The following XIAP variants were observed in gnomAD, a reference collection of about 807,000 sequenced individuals.
XIAP encodes the protein X-linked inhibitor of apoptosis.
XIAP carries 3 observed loss-of-function variants against 33.1 expected under a neutral mutation model. That is an observed-to-expected ratio of 0.09 (90% CI 0.04 to 0.23). The LOEUF (loss-of-function observed/expected upper bound fraction) is 0.23, where lower values mean the gene tolerates loss of function less well. Among genes scored for constraint, XIAP ranks in the 10% least tolerant of loss-of-function variants. The probability of loss-of-function intolerance (pLI) is 1.00; values close to 1 mark genes in which losing one functional copy is unlikely to be tolerated. For missense variants in XIAP, 264 were observed against 363.0 expected, an observed-to-expected ratio of 0.73 and a Z score of 2.22; for synonymous variants, 98 against 121.3, an observed-to-expected ratio of 0.81 and a Z score of 1.26.
Position 123,860,134 on chromosome X carries a change from G to A in XIAP, c.-192G>A, listed in dbSNP as rs1339979915. 1 of 329,632 alleles carries A rather than the reference G, an allele frequency of 3.0e-6. No individual in the cohort carries two copies. Among genetic ancestry groups the A allele is most frequent in the Non-Finnish European group, 5.9e-6 (1 of 169,960 alleles). The allele number at this position is 329,632 out of a possible 1,213,427, so 27.2% of individuals were successfully genotyped here. ...GGGCCGGCCGGTAGAGGCGCGTGAG[G>A]GAGACGAAGGGACTTCCGTTTCCTT... On this transcript the variant is annotated 5_prime_UTR_variant, in exon 1 of 7. Coordinates refer to ENST00000371199, the MANE Select transcript of XIAP (RefSeq NM_001167.4).
At chrX:123,898,633 C>T (rs1270350067) in intron 5 of XIAP, among the ~76,000 whole-genome samples, 3 of 109,191 alleles carry the variant, frequency 2.7e-5, no homozygotes, top group African/African-American at 1.0e-4. Context: ...GGACTACAGA[C>T]GTGGGCCACC....
rs369122016 is a variant in XIAP, at chrX:123,866,508, G to A, written c.-33+6215G>A. Among the ~76,000 whole-genome samples the A allele has an allele frequency of 1.6e-3, 75 of 47,891 alleles. 1 individual carries two copies. Among genetic ancestry groups the A allele is most frequent in the South Asian group, 9.3e-3 (12 of 1,291 alleles). The allele number at this position is 47,891 out of a possible 115,157, so 41.6% of individuals were successfully genotyped here. On this transcript the variant is annotated intron_variant, in intron 1 of 6. Transcript: ENST00000371199. ...TATATATGATTAATATATAATATAT[G>A]ATATATCATATATAATATCAAAATA...
In XIAP at chrX:123,907,020, C is replaced by A. The variant is rs1173359687; in HGVS notation, c.1333C>A (p.Gln445Lys). ...ISTEEQLRRL[Q>K]EEKLCKICMD... Reference sequence around the variant, plus strand: ...TACTGAAGAGCAGCTAAGGCGCCTGCAAGAGGAGAAGCTTTGCAAAATCTG... The same window carrying A: ...TACTGAAGAGCAGCTAAGGCGCCTGAAAGAGGAGAAGCTTTGCAAAATCTG... The change falls in exon 7 of 7, where the codon CAA becomes AAA. Residue 445 changes from glutamine (Q) to lysine (K), a missense_variant. Coordinates refer to ENST00000371199, the MANE Select transcript of XIAP (RefSeq NM_001167.4). 1.7e-6 allele frequency: 2 copies of A among 1,210,161 alleles called. No individual in the cohort carries two copies. Among genetic ancestry groups the A allele is most frequent in the Non-Finnish European group, 2.2e-6 (2 of 895,240 alleles).
chrX:123,873,946 A>C (rs1014031743), intron 1 of XIAP: 1 of 110,044 alleles, frequency 9.1e-6, no homozygotes, highest in East Asian at 2.8e-4. Flanking sequence ...AAAAAAAAAA[A>C]AAAACCTGGT....
At position 123,907,876 on chromosome X, in the gene XIAP, AGT is replaced by A. The variant is rs1175340101; in HGVS notation, c.*696_*697del. On this transcript the variant is annotated 3_prime_UTR_variant, in exon 7 of 7. Transcript: ENST00000371199. ...CTATGTATAGTCTGAGCCAGATCAA[AGT>A]ATGTATGTTTTTAATATGCATAGAA... The A allele has an allele frequency of 1.2e-5, 4 of 332,171 alleles. No homozygotes were observed. Among genetic ancestry groups the A allele is most frequent in the African/African-American group, 2.8e-5 (1 of 35,696 alleles). 27.4% of individuals were successfully genotyped at this position (332,171 alleles called of 1,213,427 possible).
Position 123,908,263 on chromosome X carries a change from G to GT in XIAP, c.*1088dup, listed in dbSNP as rs901729581. On this transcript the variant is annotated 3_prime_UTR_variant, in exon 7 of 7. Transcript: ENST00000371199. The stretch of plus-strand genomic sequence containing the variant: ...GGATGAAAAATATTTCTGAGTGGTA[G>GT]TTTTTTGACAGGTAGACCATGTCTT... The GT allele has an allele frequency of 5.0e-5, 18 of 362,504 alleles. No individual in the cohort carries two copies. Among genetic ancestry groups the GT allele is most frequent in the Non-Finnish European group, 6.8e-5 (13 of 190,612 alleles). The allele number at this position is 362,504 out of a possible 1,213,427, so 29.9% of individuals were successfully genotyped here.
chrX:123,892,040 G>T (rs1046376334), intron 4 of XIAP, among the ~76,000 whole-genome samples: 1 of 110,981 alleles, frequency 9.0e-6, no homozygotes, highest in African/African-American at 3.3e-5. Context: ...AGTTTTTGCA[G>T]ACAATATTTA....
intron 1 of XIAP, among the ~76,000 whole-genome samples, chrX:123,868,559 A>C (rs2053164979): frequency 1.8e-5 from 2 of 110,678 alleles, no homozygotes; most frequent in South Asian, 7.6e-4. Flanking sequence ...GTAAAATGCT[A>C]TCTCTACTAA....
intron 1 of XIAP, among the ~76,000 whole-genome samples, chrX:123,872,439 G>T (rs1245643593): frequency 9.1e-6 from 1 of 109,586 alleles, no homozygotes; most frequent in Non-Finnish European, 1.9e-5. Context: ...TGTAATCCCA[G>T]CACTTTGTGA....
At chrX:123,866,129 CG>C (rs1423492193) in intron 1 of XIAP, among the ~76,000 whole-genome samples, 42 of 110,362 alleles carry the variant, frequency 3.8e-4, no homozygotes, top group Non-Finnish European at 6.6e-4. Context: ...TTAGTAGAGA[CG>C]GGGTTTCACC....
chrX:123,869,362 C>CAAAAAAAAAAAAAAAAAAAAAAAAAAAA lies in XIAP; in HGVS notation c.-33+9091_-33+9092insAAAAAAAAAAAAAAAAAAAAAAAAAAAA, dbSNP rs57436822. On this transcript the variant is annotated intron_variant, in intron 1 of 6. Coordinates refer to ENST00000371199, the MANE Select transcript of XIAP (RefSeq NM_001167.4). ...AAACCCCATCTCTACTAAAAAAATA[C>CAAAAAAAAAAAAAAAAAAAAAAAAAAAA]AAAAAAAAAAAAAAAAAAAAAAGCT... 1.8e-3 allele frequency among the ~76,000 whole-genome samples: 54 copies of CAAAAAAAAAAAAAAAAAAAAAAAAAAAA among 29,725 alleles called. 5 individuals carry two copies. Among genetic ancestry groups the CAAAAAAAAAAAAAAAAAAAAAAAAAAAA allele is most frequent in the Non-Finnish European group, 2.1e-3 (38 of 17,847 alleles). 25.8% of individuals were successfully genotyped at this position (29,725 alleles called of 115,157 possible). A position where few individuals can be genotyped will look rare whatever the true frequency, so the allele number is the denominator to read the frequency against.
chrX:123,875,966 G>A (rs775356635), intron 1 of XIAP, among the ~76,000 whole-genome samples: 2 of 112,364 alleles, frequency 1.8e-5, no homozygotes, highest in Non-Finnish European at 3.8e-5. Flanking sequence ...GATTACAGGT[G>A]TGAGCCACTG....
At chrX:123,866,065 C>T (rs1020799751) in intron 1 of XIAP, among the ~76,000 whole-genome samples, 1 of 110,842 alleles carries the variant, frequency 9.0e-6, no homozygotes, top group Non-Finnish European at 1.9e-5. Flanking sequence ...CTCAGCCTCC[C>T]GAGTAGCTGG....
chrX:123,860,599 C>T (rs190098640), intron 1 of XIAP: 1 of 245,312 alleles, frequency 4.1e-6, no homozygotes. Flanking sequence ...GATTTCCTCC[C>T]CATGTGATAA....
intron 1 of XIAP, among the ~76,000 whole-genome samples, chrX:123,866,679 A>G (rs1241963554): frequency 9.7e-6 from 1 of 103,563 alleles, no homozygotes; most frequent in Non-Finnish European, 1.9e-5. Context: ...TATATTACAT[A>G]TATAATATAT....
At chrX:123,898,477 C>A (rs750783107) in intron 5 of XIAP, among the ~76,000 whole-genome samples, 3 of 111,178 alleles carry the variant, frequency 2.7e-5, no homozygotes, top group East Asian at 5.7e-4. Flanking sequence ...ATTCTCCTGC[C>A]TCAGCCTCCT....
At chrX:123,888,524 G>GT in intron 2 of XIAP, 95 bp from the exon 3 acceptor site, 3 of 759,242 alleles carry the variant, frequency 4.0e-6, no homozygotes, top group Non-Finnish European at 4.1e-6. Context: ...AGATTTTCAT[G>GT]TTTTTTAGAT....
chrX:123,904,548 G>A (rs1442206625), intron 6 of XIAP, among the ~76,000 whole-genome samples: 1 of 111,667 alleles, frequency 9.0e-6, no homozygotes, highest in African/African-American at 3.3e-5. Flanking sequence ...GTTTTCTCCC[G>A]CACCCACAGC....
rs2053575144 is a variant in XIAP at position 123,908,939 on chromosome X, T to C, written c.*1758T>C. 2.9e-6 allele frequency: 1 copy of C among 347,061 alleles called. No homozygotes were observed. The highest frequency in any genetic ancestry group is 3.1e-5 in the Admixed American group (1 of 32,283). The allele number at this position is 347,061 out of a possible 1,213,427, so 28.6% of individuals were successfully genotyped here. A position where few individuals can be genotyped will look rare whatever the true frequency, so the allele number is the denominator to read the frequency against. ...AAAAAATTATATTTTTGTTGTACTT[T>C]CTAAGAGAAAGAGTATTGTTATGTT... is the stretch of plus-strand genomic sequence containing the variant. On this transcript the variant is annotated 3_prime_UTR_variant, in exon 7 of 7. Transcript: ENST00000371199.
Sources: allele counts gnomAD v4.1 joint callset (sites outside exome capture counted in the v4.1 genomes callset), GRCh38; gene constraint gnomAD v4.1.1; transcripts MANE v1.5; gene names NCBI Gene and HGNC (gene_info 2026-07-23, HGNC 2026-07-21).